ARPC5: variants seen among roughly 807,000 people sequenced by gnomAD.
The protein encoded by ARPC5 is actin related protein 2/3 complex subunit 5, also known as actin-related protein 2/3 complex subunit 5.
A neutral mutation model predicts 15.4 loss-of-function variants in ARPC5; 5 were observed. That is an observed-to-expected ratio of 0.32 (90% CI 0.17 to 0.68). The LOEUF (loss-of-function observed/expected upper bound fraction) is 0.68, where lower values mean the gene tolerates loss of function less well. Among genes scored for constraint, ARPC5 ranks in the 30% least tolerant of loss-of-function variants. The probability of loss-of-function intolerance (pLI) is 0.71; values close to 1 mark genes in which losing one functional copy is unlikely to be tolerated. For synonymous variants in ARPC5, 85 were observed against 72.2 expected (o/e 1.18, Z -0.90); for missense variants, 138 against 192.8 (o/e 0.72, Z 1.68).
At chr1:183,630,840 A>G in intron 2 of ARPC5, 1 of 476,296 alleles carries the variant, frequency 2.1e-6, no homozygotes, top group East Asian at 3.3e-5. Context: ...CAGGAACAGA[A>G]AAAAACCCAA....
intron 1 of ARPC5, among the ~76,000 whole-genome samples, chr1:183,635,236 C>T (rs1404819914): frequency 6.6e-6 from 1 of 152,226 alleles, no homozygotes; most frequent in African/African-American, 2.4e-5. Flanking sequence ...CCGAGGCAGG[C>T]AGGCACTCGG....
chr1:183,623,544 TG>T lies in ARPC5; in HGVS notation c.*3987del. 6.5e-7 allele frequency: 1 copy of T among 1,547,076 alleles called. No homozygotes were observed. Among genetic ancestry groups the T allele is most frequent in the Non-Finnish European group, 8.7e-7 (1 of 1,144,682 alleles). ...ACATTGGGGTGAGGGGGAGAGGGAG[TG>T]GGGCAGAGGTCCCGCGGCAGGAATA... On this transcript the variant is annotated 3_prime_UTR_variant, in exon 4 of 4. Transcript: ENST00000359856.
In ARPC5 at chr1:183,622,383, A is replaced by G. The variant is rs1473421105; in HGVS notation, c.*5149T>C. 1.3e-5 allele frequency: 2 copies of G among 152,250 alleles called. No homozygotes were observed. The highest frequency in any genetic ancestry group is 4.8e-5 in the African/African-American group (2 of 41,470). The allele number at this position is 152,250 out of a possible 1,614,324, so 9.4% of individuals were successfully genotyped here. A position where few individuals can be genotyped will look rare whatever the true frequency, so the allele number is the denominator to read the frequency against. On this transcript the variant is annotated 3_prime_UTR_variant, in exon 4 of 4. Coordinates refer to ENST00000359856, the MANE Select transcript of ARPC5 (RefSeq NM_005717.4). ...CACTGACCTTTAACTTAGCAAATTGAAGAAAATCTTAGTTGCCCTGGCATC... is the reference window on the plus strand; with the variant it reads ...CACTGACCTTTAACTTAGCAAATTGGAGAAAATCTTAGTTGCCCTGGCATC...
At chr1:183,628,475 T>C (rs1415893613) in intron 3 of ARPC5, among the ~76,000 whole-genome samples, 2 of 152,182 alleles carry the variant, frequency 1.3e-5, no homozygotes, top group East Asian at 3.8e-4. Context: ...TCAAAAAATA[T>C]TTATGGAATA....
Position 183,628,030 on chromosome 1 carries a change from G to A in ARPC5, c.394-436C>T, listed in dbSNP as rs535163630. On this transcript the variant is annotated intron_variant, in intron 3 of 3. Coordinates refer to ENST00000359856, the MANE Select transcript of ARPC5 (RefSeq NM_005717.4). ...CTACTAAAAATACAAAAAATTAGCC[G>A]GGCGTGGTGGCGGGTGCCTGTAGTC... Among the ~76,000 whole-genome samples the A allele has an allele frequency of 4.0e-3, 612 of 151,970 alleles. 4 individuals are homozygous for A. Among genetic ancestry groups the A allele is most frequent in the Non-Finnish European group, 6.8e-3 (459 of 67,954 alleles).
rs1327079207 is a variant in ARPC5 at position 183,626,443 on chromosome 1, T to C, written c.*1089A>G. 6.6e-6 allele frequency: 1 copy of C among 152,526 alleles called. No individual in the cohort carries two copies. The highest frequency in any genetic ancestry group is 1.5e-5 in the Non-Finnish European group (1 of 68,032). The allele number at this position is 152,526 out of a possible 1,614,324, so 9.4% of individuals were successfully genotyped here. A position where few individuals can be genotyped will look rare whatever the true frequency, so the allele number is the denominator to read the frequency against. On this transcript the variant is annotated 3_prime_UTR_variant, in exon 4 of 4. Transcript: ENST00000359856. ...TATAACTTTTTATAAGCACCGGTCA[T>C]TTTTTGAGAACTGATTTGGTTTGTC...
At position 183,621,521 on chromosome 1, in the gene ARPC5, A is replaced by T. The variant is rs184450510; in HGVS notation, c.*6011T>A. The T allele has an allele frequency of 5.9e-5, 9 of 152,364 alleles. No homozygotes were observed. Among genetic ancestry groups the T allele is most frequent in the Non-Finnish European group, 1.2e-4 (8 of 68,046 alleles). 9.4% of individuals were successfully genotyped at this position (152,364 alleles called of 1,614,324 possible). A position where few individuals can be genotyped will look rare whatever the true frequency, so the allele number is the denominator to read the frequency against. ...TGAGCGTTCTTGGATCTCACACAAG[A>T]AAGAATTCAAGGCCAGTCTGTAAAG... On this transcript the variant is annotated 3_prime_UTR_variant, in exon 4 of 4. Transcript: ENST00000359856.
intron 2 of ARPC5, 111 bp from the exon 3 acceptor site, chr1:183,630,748 G>A (rs1018948568): frequency 3.6e-5 from 36 of 996,596 alleles, no homozygotes; most frequent in Admixed American, 1.3e-4. Flanking sequence ...CCTGAAGGAC[G>A]TGAAAGAAGG....
chr1:183,623,642 G>T lies in ARPC5; in HGVS notation c.*3890C>A, dbSNP rs1023620965. 10 of 773,068 alleles carry T rather than the reference G, an allele frequency of 1.3e-5. No homozygotes were observed. The highest frequency in any genetic ancestry group is 2.8e-5 in the Admixed American group (1 of 35,732). The allele number at this position is 773,068 out of a possible 1,614,324, so 47.9% of individuals were successfully genotyped here. ...GTTGGTCTGTTCCTTAATTGGGTGTGTTTTTCAATTATTTTGGTGCTTTTA... is the reference window on the plus strand; with the variant it reads ...GTTGGTCTGTTCCTTAATTGGGTGTTTTTTTCAATTATTTTGGTGCTTTTA... On this transcript the variant is annotated 3_prime_UTR_variant, in exon 4 of 4. Coordinates refer to ENST00000359856, the MANE Select transcript of ARPC5 (RefSeq NM_005717.4).
rs1028062499 is a variant in ARPC5 at position 183,625,487 on chromosome 1, A to G, written c.*2045T>C. ...GTTAAGAAGGATTTTATGAAAAAGC[A>G]TTCAGTATCATTTGATTTTAAAGTT... On this transcript the variant is annotated 3_prime_UTR_variant, in exon 4 of 4. Coordinates refer to ENST00000359856, the MANE Select transcript of ARPC5 (RefSeq NM_005717.4). The G allele has an allele frequency of 4.6e-5, 7 of 152,248 alleles. No individual in the cohort carries two copies. Among genetic ancestry groups the G allele is most frequent in the African/African-American group, 1.7e-4 (7 of 41,474 alleles). The allele number at this position is 152,248 out of a possible 1,614,324, so 9.4% of individuals were successfully genotyped here.
intron 3 of ARPC5, among the ~76,000 whole-genome samples, chr1:183,628,184 A>AT (rs1162629207): frequency 7.8e-6 from 1 of 127,492 alleles, no homozygotes; most frequent in Non-Finnish European, 1.6e-5. Context: ...AAAAAAAAAA[A>AT]AAAAAAAAAA....
rs1572194178 is a variant in ARPC5, at chr1:183,622,694, C to G, written c.*4838G>C. 6.6e-6 allele frequency: 1 copy of G among 152,356 alleles called. No homozygotes were observed. Among genetic ancestry groups the G allele is most frequent in the Non-Finnish European group, 1.5e-5 (1 of 68,056 alleles). 9.4% of individuals were successfully genotyped at this position (152,356 alleles called of 1,614,324 possible). On this transcript the variant is annotated 3_prime_UTR_variant, in exon 4 of 4. Coordinates refer to ENST00000359856, the MANE Select transcript of ARPC5 (RefSeq NM_005717.4). Reference sequence around the variant, plus strand: ...CCAGATATGAGCTGGAATTCTGTTCCTCAGCCACTTTCTCTGGTGACTTCT... The same window carrying G: ...CCAGATATGAGCTGGAATTCTGTTCGTCAGCCACTTTCTCTGGTGACTTCT...
chr1:183,629,443 A>G (rs2101955562), intron 3 of ARPC5, among the ~76,000 whole-genome samples: 1 of 152,250 alleles, frequency 6.6e-6, no homozygotes, highest in South Asian at 2.1e-4. Context: ...TTACTACCCA[A>G]ATTGGTGCAT....
At position 183,626,116 on chromosome 1, in the gene ARPC5, C is replaced by T. The variant is rs770915537; in HGVS notation, c.*1416G>A. The T allele has an allele frequency of 6.6e-6, 1 of 152,150 alleles. No homozygotes were observed. Among genetic ancestry groups the T allele is most frequent in the African/African-American group, 2.4e-5 (1 of 41,418 alleles). 9.4% of individuals were successfully genotyped at this position (152,150 alleles called of 1,614,324 possible). A position where few individuals can be genotyped will look rare whatever the true frequency, so the allele number is the denominator to read the frequency against. On this transcript the variant is annotated 3_prime_UTR_variant, in exon 4 of 4. Coordinates refer to ENST00000359856, the MANE Select transcript of ARPC5 (RefSeq NM_005717.4). ...TACCAAACTGTTCTTGTTAAGAGTA[C>T]AGTACTTGGTGGTAGAAGCAGAAAA... is the stretch of plus-strand genomic sequence containing the variant.
rs1649076331 is a variant in ARPC5 at position 183,625,701 on chromosome 1, C to T, written c.*1831G>A. On this transcript the variant is annotated 3_prime_UTR_variant, in exon 4 of 4. Coordinates refer to ENST00000359856, the MANE Select transcript of ARPC5 (RefSeq NM_005717.4). ...CTGCACTCCAGCCTGGGCAGCATAG[C>T]AAGTCCCCATCTCTAAGTAATATTT... 5 of 152,366 alleles carry T rather than the reference C, an allele frequency of 3.3e-5. No individual in the cohort carries two copies. Among genetic ancestry groups the T allele is most frequent in the Admixed American group, 3.3e-4 (5 of 15,298 alleles). The allele number at this position is 152,366 out of a possible 1,614,324, so 9.4% of individuals were successfully genotyped here.
intron 3 of ARPC5, 123 bp downstream of exon 3, chr1:183,630,338 C>T: frequency 2.7e-6 from 2 of 753,674 alleles, no homozygotes; most frequent in Admixed American, 6.7e-5. Context: ...CCTTTTCATG[C>T]ATTTTATTTG....
At position 183,623,305 on chromosome 1, in the gene ARPC5, C is replaced by A; in HGVS notation, c.*4227G>T. 1.0e-6 allele frequency: 1 copy of A among 962,828 alleles called. No homozygotes were observed. The highest frequency in any genetic ancestry group is 1.6e-6 in the Non-Finnish European group (1 of 628,630). 59.6% of individuals were successfully genotyped at this position (962,828 alleles called of 1,614,324 possible). A position where few individuals can be genotyped will look rare whatever the true frequency, so the allele number is the denominator to read the frequency against. On this transcript the variant is annotated 3_prime_UTR_variant, in exon 4 of 4. Coordinates refer to ENST00000359856, the MANE Select transcript of ARPC5 (RefSeq NM_005717.4). ...TGATTACTCTTACACACTCAAGTAACAGAAATGATAAAGGAAAATAGAAAT... is the reference window on the plus strand; with the variant it reads ...TGATTACTCTTACACACTCAAGTAAAAGAAATGATAAAGGAAAATAGAAAT...
Position 183,625,766 on chromosome 1 carries a change from G to C in ARPC5, c.*1766C>G, listed in dbSNP as rs1649078928. On this transcript the variant is annotated 3_prime_UTR_variant, in exon 4 of 4. Transcript: ENST00000359856. ...TTGCTTAGCTTATCTTCACCCATAG[G>C]ACCCTGAATTGCCTGGAAGTGTTTT... The C allele has an allele frequency of 6.6e-6, 1 of 152,196 alleles. No individual in the cohort carries two copies. The highest frequency in any genetic ancestry group is 6.5e-5 in the Admixed American group (1 of 15,284). 9.4% of individuals were successfully genotyped at this position (152,196 alleles called of 1,614,324 possible). A position where few individuals can be genotyped will look rare whatever the true frequency, so the allele number is the denominator to read the frequency against.
chr1:183,622,783 GCTGATAAATTCCCTTCTTAACTGT>G lies in ARPC5; in HGVS notation c.*4725_*4748del, dbSNP rs1404411825. The G allele has an allele frequency of 1.3e-5, 2 of 152,324 alleles. No homozygotes were observed. 9.4% of individuals were successfully genotyped at this position (152,324 alleles called of 1,614,324 possible). ...ATGGTGGCTCTGATTTCCACCTAAG[GCTGATAAATTCCCTTCTTAACTGT>G]CCACATTGAAGTGAATTGAAATTCT... On this transcript the variant is annotated 3_prime_UTR_variant, in exon 4 of 4. Coordinates refer to ENST00000359856, the MANE Select transcript of ARPC5 (RefSeq NM_005717.4).
Sources: gnomAD v4.1 joint callset for allele counts (sites outside exome capture counted in the v4.1 genomes callset) on GRCh38, gnomAD v4.1.1 for gene constraint, MANE v1.5 for transcripts, NCBI Gene and HGNC (gene_info 2026-07-23, HGNC 2026-07-21) for gene names.